CYP7B1: variants seen among roughly 807,000 people sequenced by gnomAD.
CYP7B1 encodes the protein cytochrome P450 family 7 subfamily B member 1.
Under a neutral mutation model 42.7 loss-of-function variants are expected in CYP7B1, and 29 were observed. That is an observed-to-expected ratio of 0.68 (90% CI 0.51 to 0.93). CYP7B1 has a LOEUF of 0.93. Among genes scored for constraint, CYP7B1 ranks in the 40% least tolerant of loss-of-function variants. CYP7B1 has a pLI of 0.00. For synonymous variants in CYP7B1, 235 were observed against 218.2 expected (o/e 1.08, Z -0.68); for missense variants, 655 against 600.5 (o/e 1.09, Z -0.95).
Position 64,596,197 on chromosome 8 carries a change from T to C in CYP7B1, c.*445A>G, listed in dbSNP as rs1805114506. 1 of 168,140 alleles carries C rather than the reference T, an allele frequency of 5.9e-6. No individual in the cohort carries two copies. Among genetic ancestry groups the C allele is most frequent in the Non-Finnish European group, 1.3e-5 (1 of 74,348 alleles). 10.4% of individuals were successfully genotyped at this position (168,140 alleles called of 1,614,324 possible). ...TTTCATCCAGTGTAACTCATGGAAA[T>C]TCAATTTCCTTCTTCTGTGAGAATT... On this transcript the variant is annotated 3_prime_UTR_variant, in exon 6 of 6. Transcript: ENST00000310193.
chr8:64,785,965 G>T (rs535701300), intron 1 of CYP7B1, among the ~76,000 whole-genome samples: 3 of 152,118 alleles, frequency 2.0e-5, no homozygotes, highest in Non-Finnish European at 4.4e-5. Context: ...AGTGCCAGCA[G>T]GGGAAATGCC....
At chr8:64,633,345 A>G (rs935277041) in intron 1 of CYP7B1, among the ~76,000 whole-genome samples, 4 of 152,208 alleles carry the variant, frequency 2.6e-5, no homozygotes, top group Non-Finnish European at 5.9e-5. Flanking sequence ...TTGTCTACAT[A>G]GAAAATCTCA....
intron 1 of CYP7B1, among the ~76,000 whole-genome samples, chr8:64,662,256 C>T (rs1806209608): frequency 6.6e-6 from 1 of 152,080 alleles, no homozygotes; most frequent in African/African-American, 2.4e-5. Context: ...TTACTTGAGC[C>T]TGGGAGGTCG....
chr8:64,763,568 C>T (rs1807922661), intron 1 of CYP7B1, among the ~76,000 whole-genome samples: 1 of 152,220 alleles, frequency 6.6e-6, no homozygotes, highest in Admixed American at 6.5e-5. Flanking sequence ...ATACTGGGCA[C>T]CTGTTGGCCG....
chr8:64,697,709 T>C (rs943052521), intron 1 of CYP7B1, among the ~76,000 whole-genome samples: 1 of 152,202 alleles, frequency 6.6e-6, no homozygotes, highest in Non-Finnish European at 1.5e-5. Context: ...TTCACCAATA[T>C]GTACCCAGAG....
At chr8:64,782,399 T>A (rs1804442513) in intron 1 of CYP7B1, among the ~76,000 whole-genome samples, 2 of 152,162 alleles carry the variant, frequency 1.3e-5, no homozygotes, top group African/African-American at 4.8e-5. Context: ...TTCCTCCACA[T>A]GAGGGCACAG....
At chr8:64,777,027 A>T (rs1277253183) in intron 1 of CYP7B1, among the ~76,000 whole-genome samples, 3 of 152,022 alleles carry the variant, frequency 2.0e-5, no homozygotes, top group Non-Finnish European at 4.4e-5. Flanking sequence ...TATCAAACTT[A>T]TACTAAATAA....
chr8:64,635,971 T>TTTG (rs763896131), intron 1 of CYP7B1, among the ~76,000 whole-genome samples: 20 of 152,170 alleles, frequency 1.3e-4, no homozygotes, highest in African/African-American at 1.9e-4. Flanking sequence ...AGTCTAGAAC[T>TTTG]TTGTTGTTGT....
At chr8:64,678,994 GATTGCATATAT>G (rs1045225314) in intron 1 of CYP7B1, among the ~76,000 whole-genome samples, 7 of 151,774 alleles carry the variant, frequency 4.6e-5, no homozygotes, top group African/African-American at 1.7e-4. Flanking sequence ...GAATATATTT[GATTGCATATAT>G]ATTGCATATA....
At chr8:64,608,631 G>A (rs1805319880) in intron 4 of CYP7B1, among the ~76,000 whole-genome samples, 1 of 151,750 alleles carries the variant, frequency 6.6e-6, no homozygotes, top group African/African-American at 2.4e-5. Context: ...TGGGTATGGA[G>A]GTGGTGGTGG....
rs150076036 is a variant in CYP7B1 at position 64,784,280 on chromosome 8, T to C, written c.122+14186A>G. On this transcript the variant is annotated intron_variant, in intron 1 of 5. Transcript: ENST00000310193. ...GAACAAAAGCAAGTAAACACAAAAA[T>C]TGAAAAAGAACAAATACTTAATAAG... is the stretch of plus-strand genomic sequence containing the variant. 5.3e-5 allele frequency among the ~76,000 whole-genome samples: 8 copies of C among 152,218 alleles called. No homozygotes were observed. The East Asian group carries it at 1.3e-3, about 26-fold the overall frequency.
At chr8:64,781,309 C>T (rs1363677290) in intron 1 of CYP7B1, among the ~76,000 whole-genome samples, 2 of 152,128 alleles carry the variant, frequency 1.3e-5, no homozygotes, top group Non-Finnish European at 2.9e-5. Context: ...ATGGCCATTA[C>T]ACTAGTTTTC....
At chr8:64,641,085 G>C (rs1395899653) in intron 1 of CYP7B1, among the ~76,000 whole-genome samples, 1 of 152,102 alleles carries the variant, frequency 6.6e-6, no homozygotes, top group African/African-American at 2.4e-5. Flanking sequence ...AAACTTGTAC[G>C]AACAAAAATC....
chr8:64,769,216 T>C (rs1804171120), intron 1 of CYP7B1, among the ~76,000 whole-genome samples: 3 of 152,270 alleles, frequency 2.0e-5, no homozygotes, highest in Admixed American at 6.5e-5. Flanking sequence ...CATAATAAGA[T>C]CTATGGAACG....
intron 1 of CYP7B1, among the ~76,000 whole-genome samples, chr8:64,745,445 C>T (rs1807629767): frequency 6.6e-6 from 1 of 152,110 alleles, no homozygotes. Flanking sequence ...ACTTTTTGTG[C>T]TATAGTTTTA....
chr8:64,681,326 A>G (rs1400481633), intron 1 of CYP7B1, among the ~76,000 whole-genome samples: 2 of 152,162 alleles, frequency 1.3e-5, no homozygotes, highest in African/African-American at 4.8e-5. Context: ...ACTATTCACT[A>G]TAAGTAGTGG....
chr8:64,622,469 C>T (rs1486864963), intron 2 of CYP7B1, among the ~76,000 whole-genome samples: 2 of 152,196 alleles, frequency 1.3e-5, no homozygotes, highest in Non-Finnish European at 2.9e-5. Flanking sequence ...AAGAGATCAG[C>T]ATTGTCAAAC....
intron 1 of CYP7B1, among the ~76,000 whole-genome samples, chr8:64,792,609 G>A (rs1295437386): frequency 6.6e-6 from 1 of 152,188 alleles, no homozygotes; most frequent in Non-Finnish European, 1.5e-5. Context: ...GCCAGGATTA[G>A]AGATGGGATT....
intron 1 of CYP7B1, among the ~76,000 whole-genome samples, chr8:64,785,606 A>G (rs1804511600): frequency 6.6e-6 from 1 of 152,188 alleles, no homozygotes; most frequent in Admixed American, 6.5e-5. Context: ...CCAATGTGAA[A>G]AGGCAGCACA....
Sources: gnomAD v4.1 joint callset for allele counts (sites outside exome capture counted in the v4.1 genomes callset) on GRCh38, gnomAD v4.1.1 for gene constraint, MANE v1.5 for transcripts, NCBI Gene and HGNC (gene_info 2026-07-23, HGNC 2026-07-21) for gene names.